NR1H4: variants seen among roughly 807,000 people sequenced by gnomAD.
NR1H4 encodes the protein nuclear receptor subfamily 1 group H member 4, also known as bile acid receptor.
NR1H4 carries 23 observed loss-of-function variants against 58.5 expected under a neutral mutation model. The observed-to-expected ratio is 0.39, with a 90% CI of 0.28 to 0.56. NR1H4 has a LOEUF of 0.56. NR1H4 is among the 20% of genes least tolerant of loss of function. NR1H4 has a pLI of 0.58. For missense variants in NR1H4, 487 were observed against 576.9 expected (o/e 0.84, Z 1.60); for synonymous variants, 214 against 198.0 (o/e 1.08, Z -0.68).
At chr12:100,495,623 C>A (rs1475845111) in intron 3 of NR1H4, among the ~76,000 whole-genome samples, 1 of 143,204 alleles carries the variant, frequency 7.0e-6, no homozygotes, top group Admixed American at 7.2e-5. Flanking sequence ...CCCAGCTACT[C>A]AAGAGAACTG....
At position 100,517,281 on chromosome 12, in the gene NR1H4, T is replaced by C. The variant is rs146081426; in HGVS notation, c.445+6138T>C. 3.2e-4 allele frequency among the ~76,000 whole-genome samples: 48 copies of C among 152,332 alleles called. 2 individuals carry two copies. In the East Asian group the frequency reaches 9.1e-3, roughly 29 times the overall value. On this transcript the variant is annotated intron_variant, in intron 4 of 10. Coordinates refer to ENST00000392986, the MANE Select transcript of NR1H4 (RefSeq NM_001206979.2). The stretch of plus-strand genomic sequence containing the variant: ...TCTACATATAAGTGAGATCATATGG[T>C]ATTTGTCTTTCTGTGCTTGGCTTAT...
chr12:100,481,312 T>C (rs1953375113), intron 1 of NR1H4, among the ~76,000 whole-genome samples: 1 of 151,828 alleles, frequency 6.6e-6, no homozygotes, highest in Admixed American at 6.6e-5. Context: ...ATTCAACAAA[T>C]AGCTTCTTGA....
At position 100,527,859 on chromosome 12, in the gene NR1H4, A is replaced by C. The variant is rs568288864; in HGVS notation, c.446-4599A>C. ...TTTTATGGCTGTATATTATCCCTAA[A>C]ACTTAAAGTATAATAATAAAAAAAA... is the stretch of plus-strand genomic sequence containing the variant. On this transcript the variant is annotated intron_variant, in intron 4 of 10. Transcript: ENST00000392986. Among the ~76,000 whole-genome samples, 18 of 152,252 alleles carry C rather than the reference A, an allele frequency of 1.2e-4. 1 individual carries two copies. The South Asian group carries it at 3.5e-3, about 30-fold the overall frequency.
At position 100,563,396 on chromosome 12, in the gene NR1H4, A is replaced by G. The variant is rs1226281457; in HGVS notation, c.1338A>G (p.Thr446=). ...TGGGTCGCCTGACTGAATTACGGAC[A>G]TTCAATCATCACCACGCTGAGATGC... ...CLLGRLTELR[T]FNHHHAEMLM... is the part of the protein sequence containing the mutation. Residue 446 remains threonine, a synonymous_variant, in exon 11 of 11, where the codon ACA becomes ACG. Coordinates refer to ENST00000392986, the MANE Select transcript of NR1H4 (RefSeq NM_001206979.2). 1.2e-6 allele frequency: 2 copies of G among 1,614,026 alleles called. No individual in the cohort carries two copies. Among genetic ancestry groups the G allele is most frequent in the Admixed American group, 3.3e-5 (2 of 59,992 alleles).
chr12:100,474,865 T>A (rs1953232964), intron 1 of NR1H4, among the ~76,000 whole-genome samples: 1 of 152,188 alleles, frequency 6.6e-6, no homozygotes, highest in African/African-American at 2.4e-5. Context: ...AGCTTTGAGC[T>A]ATAAAGAAAT....
chr12:100,532,711 C>T, intron 5 of NR1H4, 101 bp downstream of exon 5: 1 of 1,049,054 alleles, frequency 9.5e-7, no homozygotes, highest in Non-Finnish European at 1.4e-6. Flanking sequence ...AAAGAAGGAA[C>T]CTACTAAGCC....
chr12:100,495,553 A>C (rs1953695580), intron 3 of NR1H4, among the ~76,000 whole-genome samples: 1 of 139,544 alleles, frequency 7.2e-6, no homozygotes, highest in South Asian at 2.3e-4. Flanking sequence ...CAACATGGTT[A>C]AACCCTGTCT....
Position 100,534,957 on chromosome 12 carries a change from G to T in NR1H4, c.666G>T (p.Gln222His). The T allele has an allele frequency of 1.2e-6, 2 of 1,614,228 alleles. No individual in the cohort carries two copies. The highest frequency in any genetic ancestry group is 1.7e-6 in the Non-Finnish European group (2 of 1,180,038). ...LRKNVKQHAD[Q>H]TVNEDSEGRD... is the part of the protein sequence containing the mutation. ...AAAATGTGAAGCAGCATGCAGATCA[G>T]ACCGTGAATGAAGACAGTGAAGGTC... Residue 222 changes from glutamine to histidine, a missense_variant, in exon 6 of 11, where the codon CAG (glutamine) becomes CAT (histidine). Coordinates refer to ENST00000392986, the MANE Select transcript of NR1H4 (RefSeq NM_001206979.2).
chr12:100,487,440 CAG>C (rs1953514842), intron 1 of NR1H4, among the ~76,000 whole-genome samples: 1 of 151,982 alleles, frequency 6.6e-6, no homozygotes, highest in African/African-American at 2.4e-5. Context: ...ATTAGGCTAA[CAG>C]AGGGGGCAGC....
intron 10 of NR1H4, among the ~76,000 whole-genome samples, chr12:100,562,411 TG>T (rs1324496697): frequency 1.3e-5 from 2 of 152,150 alleles, no homozygotes; most frequent in Non-Finnish European, 2.9e-5. Flanking sequence ...TATTTTAATT[TG>T]TGGTCACAGG....
intron 8 of NR1H4, among the ~76,000 whole-genome samples, chr12:100,538,050 A>G (rs1954853418): frequency 6.6e-6 from 1 of 152,106 alleles, no homozygotes; most frequent in African/African-American, 2.4e-5. Context: ...CATGAACAAG[A>G]ATAGGATTAT....
chr12:100,543,890 G>A (rs1166177766), intron 9 of NR1H4, among the ~76,000 whole-genome samples: 1 of 152,110 alleles, frequency 6.6e-6, no homozygotes, highest in Non-Finnish European at 1.5e-5. Flanking sequence ...GCTTCAACAG[G>A]TTCAGCAGCT....
chr12:100,489,395 T>C lies in NR1H4; in HGVS notation c.-189-3108T>C, dbSNP rs1342573495. Among the ~76,000 whole-genome samples the C allele has an allele frequency of 1.4e-4, 22 of 152,198 alleles. 1 individual carries two copies. The highest frequency in any genetic ancestry group is 5.9e-5 in the Non-Finnish European group (4 of 68,034). The stretch of plus-strand genomic sequence containing the variant: ...GTGCAGTCTTGTGTTGCAACTACTG[T>C]ACTCAACTCTGCTACTGCAGGGAGA... On this transcript the variant is annotated intron_variant, in intron 1 of 10. Transcript: ENST00000392986.
At chr12:100,555,599 T>G (rs1320097061) in intron 9 of NR1H4, among the ~76,000 whole-genome samples, 1 of 152,224 alleles carries the variant, frequency 6.6e-6, no homozygotes, top group Non-Finnish European at 1.5e-5. Flanking sequence ...ACTATTATAA[T>G]TATCTACTCT....
intron 3 of NR1H4, 44 bp from the exon 4 acceptor site, chr12:100,510,734 A>T: frequency 6.2e-7 from 1 of 1,611,512 alleles, no homozygotes; most frequent in Non-Finnish European, 8.5e-7. Context: ...TCTAATTTCC[A>T]GAATGATGAC....
chr12:100,546,431 C>CATGCTTGTA (rs1384701822), intron 9 of NR1H4, among the ~76,000 whole-genome samples: 1 of 152,046 alleles, frequency 6.6e-6, no homozygotes, highest in Admixed American at 6.6e-5. Context: ...CGCGGTGGCT[C>CATGCTTGTA]ATGCTTGTAA....
intron 3 of NR1H4, among the ~76,000 whole-genome samples, chr12:100,509,959 C>T (rs1342480712): frequency 6.6e-6 from 1 of 151,964 alleles, no homozygotes; most frequent in Non-Finnish European, 1.5e-5. Flanking sequence ...TGTTTAATAC[C>T]GATGTGAATA....
chr12:100,474,175 G>A (rs1002320724), intron 1 of NR1H4, 116 bp downstream of exon 1: 3 of 152,110 alleles, frequency 2.0e-5, no homozygotes, highest in African/African-American at 7.2e-5. Context: ...TGAATTCTAA[G>A]TTAGTAGAGT....
chr12:100,519,228 C>T (rs974614515), intron 4 of NR1H4, among the ~76,000 whole-genome samples: 4 of 152,060 alleles, frequency 2.6e-5, no homozygotes, highest in Non-Finnish European at 4.4e-5. Flanking sequence ...GTCTAGAGCT[C>T]GGTGGAAACT....
Sources: allele counts gnomAD v4.1 joint callset (sites outside exome capture counted in the v4.1 genomes callset), GRCh38; gene constraint gnomAD v4.1.1; transcripts MANE v1.5; gene names NCBI Gene and HGNC (gene_info 2026-07-23, HGNC 2026-07-21).